Variants in ACTR3B observed in about 807,000 individuals in gnomAD.
ACTR3B encodes actin-related protein 3B.
In ACTR3B, 8 loss-of-function variants were observed where a neutral mutation model predicts 59.0. The ratio of observed to expected loss-of-function variants is 0.14; its 90% CI spans 0.08 to 0.24. The LOEUF (loss-of-function observed/expected upper bound fraction) is 0.24. Ranked by LOEUF, ACTR3B falls within the 10% of genes least tolerant of loss-of-function variation. The pLI, the probability that ACTR3B is intolerant of heterozygous loss-of-function variation, is 1.00. For synonymous variants in ACTR3B, 148 were observed against 197.9 expected (o/e 0.75, Z 2.12); for missense variants, 245 against 552.3 (o/e 0.44, Z 5.58).
intron 9 of ACTR3B, among the ~76,000 whole-genome samples, chr7:152,841,892 T>C (rs573932269): frequency 6.6e-6 from 1 of 152,326 alleles, no homozygotes; most frequent in South Asian, 2.1e-4. Context: ...AGGTTCAACT[T>C]TGAGATATAA....
intron 9 of ACTR3B, among the ~76,000 whole-genome samples, chr7:152,826,860 A>G (rs947025007): frequency 2.7e-5 from 4 of 150,370 alleles, no homozygotes; most frequent in African/African-American, 9.8e-5. Flanking sequence ...AAAGGTGGCG[A>G]AAGGCGCCTG....
In ACTR3B at chr7:152,824,845, T is replaced by C. The variant is rs951149476; in HGVS notation, c.859-185T>C. ...ATACATTTTACCTCATGAGGAGAAA[T>C]GTGTCATCACCGCTCCACGCACTTG... On this transcript the variant is annotated intron_variant, in intron 8 of 11. Coordinates refer to ENST00000256001, the MANE Select transcript of ACTR3B (RefSeq NM_020445.6). The surrounding 1 kb of genome is among the most constrained non-coding windows in gnomAD (Gnocchi z 4.2). 3.9e-5 allele frequency among the ~76,000 whole-genome samples: 6 copies of C among 152,228 alleles called. No individual in the cohort carries two copies. The highest frequency in any genetic ancestry group is 3.9e-4 in the Admixed American group (6 of 15,274).
At position 152,835,448 on chromosome 7, in the gene ACTR3B, A is replaced by G. The variant is rs540128506; in HGVS notation, c.951+10326A>G. 9.2e-5 allele frequency among the ~76,000 whole-genome samples: 14 copies of G among 152,364 alleles called. No individual in the cohort carries two copies. The East Asian group carries it at 2.7e-3, about 29-fold the overall frequency. On this transcript the variant is annotated intron_variant, in intron 9 of 11. Coordinates refer to ENST00000256001, the MANE Select transcript of ACTR3B (RefSeq NM_020445.6). ...TGGTTTCCTGGTGCACATGAAGGCTATGTTTGCACTGTATTATGGTTTAAG... is the reference window on the plus strand; with the variant it reads ...TGGTTTCCTGGTGCACATGAAGGCTGTGTTTGCACTGTATTATGGTTTAAG...
At chr7:152,763,727 T>A (rs1193521301) in intron 1 of ACTR3B, among the ~76,000 whole-genome samples, 2 of 152,222 alleles carry the variant, frequency 1.3e-5, no homozygotes, top group Non-Finnish European at 2.9e-5. Context: ...CCTGGCCCAT[T>A]GGTGATTCTT....
At chr7:152,761,730 A>G (rs115614150) in intron 1 of ACTR3B, among the ~76,000 whole-genome samples, 2,138 of 152,322 alleles carry the variant, frequency 0.014, 53 homozygotes, top group African/African-American at 0.048. Flanking sequence ...AAAGAGCCCG[A>G]ATTTACCAAC....
intron 9 of ACTR3B, among the ~76,000 whole-genome samples, chr7:152,826,182 G>T (rs1796559869): frequency 6.6e-6 from 1 of 151,926 alleles, no homozygotes; most frequent in Non-Finnish European, 1.5e-5. Context: ...AAAGAATGAG[G>T]TAAATCAATA....
At chr7:152,829,535 TC>T (rs1354470504) in intron 9 of ACTR3B, among the ~76,000 whole-genome samples, 2 of 152,210 alleles carry the variant, frequency 1.3e-5, no homozygotes, top group Non-Finnish European at 1.5e-5. Context: ...CTTTATGTGT[TC>T]CGCCTCCAGA....
chr7:152,853,654 G>A, intron 11 of ACTR3B, 77 bp downstream of exon 11: 1 of 1,276,174 alleles, frequency 7.8e-7, no homozygotes, highest in South Asian at 1.3e-5. Flanking sequence ...TGTCTACGAA[G>A]GTGAAATAGT....
chr7:152,821,070 T>C (rs1279792933), intron 7 of ACTR3B, among the ~76,000 whole-genome samples: 2 of 152,130 alleles, frequency 1.3e-5, no homozygotes, highest in African/African-American at 2.4e-5. Flanking sequence ...AGGCAGGCTC[T>C]GCAGTTGGGT....
chr7:152,802,187 A>G (rs1035057879), intron 4 of ACTR3B, among the ~76,000 whole-genome samples: 11 of 152,042 alleles, frequency 7.2e-5, no homozygotes, highest in Middle Eastern at 3.2e-3. Context: ...GGTTAGAGCA[A>G]TAGGAATGGA....
At chr7:152,770,753 A>G in intron 1 of ACTR3B, among the ~76,000 whole-genome samples, 1 of 142,004 alleles carries the variant, frequency 7.0e-6, no homozygotes, top group African/African-American at 2.7e-5. Flanking sequence ...AGATTTCAAG[A>G]CATTGTATTC....
intron 4 of ACTR3B, among the ~76,000 whole-genome samples, chr7:152,806,872 T>G (rs368871115): frequency 1.9e-4 from 29 of 152,348 alleles, no homozygotes; most frequent in African/African-American, 7.0e-4. Flanking sequence ...GCAGTGTTGG[T>G]AAGAGCAACT....
In ACTR3B at chr7:152,799,594, A is replaced by G. The variant is rs138310294; in HGVS notation, c.101-937A>G. On this transcript the variant is annotated intron_variant, in intron 2 of 11. Coordinates refer to ENST00000256001, the MANE Select transcript of ACTR3B (RefSeq NM_020445.6). ...GGGGTTATCTGATGTCAAGGAATCT[A>G]TAGTTTGGTAGACTGATCTTAAACA... 1.0e-3 allele frequency among the ~76,000 whole-genome samples: 156 copies of G among 152,380 alleles called. 3 individuals carry two copies. The East Asian group carries it at 0.024, about 24-fold the overall frequency.
intron 1 of ACTR3B, among the ~76,000 whole-genome samples, chr7:152,763,313 C>CAA (rs925259822): frequency 1.6e-3 from 32 of 20,490 alleles, no homozygotes; most frequent in Non-Finnish European, 2.5e-3. Flanking sequence ...GACTCCATCT[C>CAA]AAAAAAAAAA....
intron 9 of ACTR3B, among the ~76,000 whole-genome samples, chr7:152,850,043 G>C (rs370988422): frequency 6.6e-6 from 1 of 151,116 alleles, no homozygotes; most frequent in Admixed American, 6.6e-5. Context: ...CAGGTGGAAG[G>C]CCAGCTTCTC....
chr7:152,854,542 G>A lies in ACTR3B; in HGVS notation c.1246G>A (p.Val416Ile), dbSNP rs1799106453. The part of the protein sequence containing the change: ...SICRHNPVFG[V>I]MS ...CTGCCGCCACAACCCCGTCTTTGGA[G>A]TCATGTCCTAGTGTCTGCCTGAACG... Residue 416 changes from valine (V) to isoleucine (I), a missense_variant, in exon 12 of 12, where the codon GTC (valine) becomes ATC (isoleucine). Coordinates refer to ENST00000256001, the MANE Select transcript of ACTR3B (RefSeq NM_020445.6). This position sits in a 1 kb window ranked among gnomAD's most constrained non-coding sequence, Gnocchi z 4.9. The A allele has an allele frequency of 3.7e-6, 6 of 1,613,986 alleles. No individual in the cohort carries two copies. Among genetic ancestry groups the A allele is most frequent in the African/African-American group, 2.7e-5 (2 of 74,926 alleles).
chr7:152,768,927 C>G (rs2116515453), intron 1 of ACTR3B, among the ~76,000 whole-genome samples: 1 of 152,030 alleles, frequency 6.6e-6, no homozygotes. Flanking sequence ...GATGTCGGCT[C>G]ACTGCAACCT....
At chr7:152,763,517 A>C (rs2098097514) in intron 1 of ACTR3B, among the ~76,000 whole-genome samples, 1 of 151,498 alleles carries the variant, frequency 6.6e-6, no homozygotes, top group South Asian at 2.1e-4. Context: ...TCTGTCTCCC[A>C]GGTTCAGGGA....
intron 1 of ACTR3B, among the ~76,000 whole-genome samples, chr7:152,780,521 A>G (rs2098149142): frequency 1.3e-5 from 2 of 152,084 alleles, no homozygotes; most frequent in Non-Finnish European, 2.9e-5. Flanking sequence ...TGAACATTCC[A>G]GCAGCTGTTG....
Sources: allele counts gnomAD v4.1 joint callset (sites outside exome capture counted in the v4.1 genomes callset), GRCh38; gene constraint gnomAD v4.1.1; non-coding constraint Gnocchi (gnomAD v3.1); transcripts MANE v1.5; gene names NCBI Gene and HGNC (gene_info 2026-07-23, HGNC 2026-07-21).